INTS12: variants seen among roughly 807,000 people sequenced by gnomAD.
INTS12 encodes PHD finger protein 22.
INTS12 carries 13 observed loss-of-function variants against 41.6 expected under a neutral mutation model. The ratio of observed to expected loss-of-function variants is 0.31; its 90% CI spans 0.20 to 0.50. The LOEUF (loss-of-function observed/expected upper bound fraction) is 0.50, where lower values mean the gene tolerates loss of function less well. Ranked by LOEUF, INTS12 falls within the 20% of genes least tolerant of loss-of-function variation. INTS12 has a pLI of 0.98. For synonymous variants in INTS12, 199 were observed against 191.4 expected, an observed-to-expected ratio of 1.04 and a Z score of -0.33; for missense variants, 432 against 541.6, an observed-to-expected ratio of 0.80 and a Z score of 2.01.
chr4:105,704,009 ATCT>A (rs945120968), intron 1 of INTS12, among the ~76,000 whole-genome samples, 200 bp from the exon 2 acceptor site: 4 of 149,356 alleles, frequency 2.7e-5, no homozygotes, highest in Admixed American at 2.0e-4. Context: ...TATTTCCCAT[ATCT>A]TCTTTTTTTT....
intron 3 of INTS12, among the ~76,000 whole-genome samples, chr4:105,697,203 T>A (rs1013903828): frequency 1.3e-5 from 2 of 152,234 alleles, no homozygotes; most frequent in Non-Finnish European, 2.9e-5. Flanking sequence ...GCTTTGCTGA[T>A]ATAGATAACT....
chr4:105,699,184 T>A (rs1257170914), intron 3 of INTS12, among the ~76,000 whole-genome samples: 3 of 152,202 alleles, frequency 2.0e-5, no homozygotes, highest in Non-Finnish European at 4.4e-5. Flanking sequence ...AAGAAAACAG[T>A]TATCTATCTT....
At chr4:105,708,151 C>A (rs1430150129) in intron 1 of INTS12, 3 of 985,256 alleles carry the variant, frequency 3.0e-6, no homozygotes, top group Non-Finnish European at 3.6e-6. Context: ...AACACTGATA[C>A]CTTAGGGACA....
chr4:105,692,329 C>T (rs535213103), intron 5 of INTS12, among the ~76,000 whole-genome samples, 194 bp from the exon 6 acceptor site: 2 of 151,566 alleles, frequency 1.3e-5, no homozygotes, highest in African/African-American at 2.4e-5. Flanking sequence ...ACTAAAAATA[C>T]AAAAATCAGC....
intron 1 of INTS12, chr4:105,706,516 C>T (rs1732268839): frequency 6.6e-6 from 1 of 152,144 alleles, no homozygotes; most frequent in Non-Finnish European, 1.5e-5. Context: ...TCCCAAAGTG[C>T]TGGGATTACA....
Position 105,694,072 on chromosome 4 carries a change from T to C in INTS12, c.310-586A>G, listed in dbSNP as rs993590334. ...CTATAGAAACTATTAACATGACATATGTATAAAGTAGCTCACTCAAACTCC... is the reference window on the plus strand; with the variant it reads ...CTATAGAAACTATTAACATGACATACGTATAAAGTAGCTCACTCAAACTCC... On this transcript the variant is annotated intron_variant, in intron 4 of 7. Transcript: ENST00000340139. Among the ~76,000 whole-genome samples, 4 of 152,164 alleles carry C rather than the reference T, an allele frequency of 2.6e-5. No individual in the cohort carries two copies. The South Asian group carries it at 6.2e-4, about 24-fold the overall frequency.
chr4:105,696,879 T>C (rs1003031582), intron 3 of INTS12, among the ~76,000 whole-genome samples: 2 of 152,222 alleles, frequency 1.3e-5, no homozygotes, highest in African/African-American at 4.8e-5. Context: ...TCTTTTTAAA[T>C]TGTAGATGTT....
At chr4:105,686,566 G>A (rs1731504382) in intron 7 of INTS12, 126 bp downstream of exon 7, 3 of 642,304 alleles carry the variant, frequency 4.7e-6, no homozygotes, top group African/African-American at 1.8e-5. Context: ...TAGTAGTAAA[G>A]TCTTAATTTC....
intron 7 of INTS12, among the ~76,000 whole-genome samples, chr4:105,684,150 T>C (rs1322283662): frequency 2.0e-5 from 3 of 152,150 alleles, no homozygotes; most frequent in Non-Finnish European, 2.9e-5. Flanking sequence ...TCTGATTAAC[T>C]TTCCTGGCTA....
intron 1 of INTS12, among the ~76,000 whole-genome samples, chr4:105,704,459 GA>G (rs1232976661): frequency 1.3e-5 from 2 of 152,160 alleles, no homozygotes; most frequent in Non-Finnish European, 2.9e-5. Context: ...GCCTACTGAA[GA>G]AAAAACTCTG....
intron 6 of INTS12, among the ~76,000 whole-genome samples, chr4:105,689,987 T>C (rs1731628371): frequency 6.6e-6 from 1 of 152,256 alleles, no homozygotes; most frequent in Non-Finnish European, 1.5e-5. Context: ...TCTTGAGCTC[T>C]GCTTAAGTGC....
At chr4:105,697,253 A>G (rs567815576) in intron 3 of INTS12, among the ~76,000 whole-genome samples, 1 of 152,368 alleles carries the variant, frequency 6.6e-6, no homozygotes, top group African/African-American at 2.4e-5. Flanking sequence ...AAACTTTGGC[A>G]GCTCTTGGAA....
chr4:105,697,514 G>A (rs1443788134), intron 3 of INTS12, among the ~76,000 whole-genome samples: 2 of 152,100 alleles, frequency 1.3e-5, no homozygotes, highest in African/African-American at 4.8e-5. Context: ...CAACGGGTTA[G>A]CAAACTGAGG....
Position 105,708,643 on chromosome 4 carries a change from C to T in INTS12, c.-177G>A, listed in dbSNP as rs935929444. Reference sequence around the variant, plus strand: ...AGTCGCTCAGCATAACTCACCGTTCCGCCCCGCCCTGCCGATCCGTCTGTT... The same window carrying T: ...AGTCGCTCAGCATAACTCACCGTTCTGCCCCGCCCTGCCGATCCGTCTGTT... On this transcript the variant is annotated 5_prime_UTR_variant, in exon 1 of 8. Coordinates refer to ENST00000340139, the MANE Select transcript of INTS12 (RefSeq NM_020395.4). 19 of 975,720 alleles carry T rather than the reference C, an allele frequency of 1.9e-5. No homozygotes were observed. Among genetic ancestry groups the T allele is most frequent in the Non-Finnish European group, 2.3e-5 (19 of 821,324 alleles). 60.4% of individuals were successfully genotyped at this position (975,720 alleles called of 1,614,324 possible).
At chr4:105,695,740 A>G in intron 3 of INTS12, 72 bp from the exon 4 acceptor site, 1 of 1,202,912 alleles carries the variant, frequency 8.3e-7, no homozygotes, top group Non-Finnish European at 1.2e-6. Context: ...CATTAATATA[A>G]ACAATTTTCA....
chr4:105,698,005 G>A (rs536129228), intron 3 of INTS12, among the ~76,000 whole-genome samples: 9 of 152,300 alleles, frequency 5.9e-5, no homozygotes, highest in Non-Finnish European at 8.8e-5. Context: ...AGCCAAGATT[G>A]TGCCACTGCA....
chr4:105,692,193 T>C, intron 5 of INTS12, 58 bp from the exon 6 acceptor site: 1 of 1,506,132 alleles, frequency 6.6e-7, no homozygotes, highest in Admixed American at 1.8e-5. Flanking sequence ...AATTTAAAGT[T>C]ATTTCAGGGG....
intron 3 of INTS12, among the ~76,000 whole-genome samples, chr4:105,697,317 G>A (rs1731901628): frequency 6.6e-6 from 1 of 152,186 alleles, no homozygotes; most frequent in Admixed American, 6.5e-5. Context: ...CAAAACTAAG[G>A]CAGCTGAGTG....
chr4:105,689,782 T>C lies in INTS12; in HGVS notation c.657+2194A>G, dbSNP rs548189889. ...TTAGCTAGGCCTGGTGGCACATGCC[T>C]GTAGTCCCAGCTACTTGGGAGGCTG... is the stretch of plus-strand genomic sequence containing the variant. On this transcript the variant is annotated intron_variant, in intron 6 of 7. Transcript: ENST00000340139. Among the ~76,000 whole-genome samples, 13 of 152,254 alleles carry C rather than the reference T, an allele frequency of 8.5e-5. No homozygotes were observed. The East Asian group carries it at 2.3e-3, about 27-fold the overall frequency.
Sources: allele counts gnomAD v4.1 joint callset (sites outside exome capture counted in the v4.1 genomes callset), GRCh38; gene constraint gnomAD v4.1.1; transcripts MANE v1.5; gene names NCBI Gene and HGNC (gene_info 2026-07-23, HGNC 2026-07-21).